The following TINAG variants were observed in gnomAD, a reference collection of about 807,000 sequenced individuals.
The protein encoded by TINAG is tubulointerstitial nephritis antigen.
TINAG carries 83 observed loss-of-function variants against 72.7 expected under a neutral mutation model. The ratio of observed to expected loss-of-function variants is 1.14; its 90% CI spans 0.96 to 1.37. The LOEUF (loss-of-function observed/expected upper bound fraction) is 1.37. TINAG is among the 40% of genes most tolerant of loss of function. The probability of loss-of-function intolerance (pLI) is 0.00; values close to 1 mark genes in which losing one functional copy is unlikely to be tolerated. For synonymous variants in TINAG, 234 were observed against 189.9 expected, an observed-to-expected ratio of 1.23 and a Z score of -1.91; for missense variants, 685 against 576.6, an observed-to-expected ratio of 1.19 and a Z score of -1.93.
intron 1 of TINAG, among the ~76,000 whole-genome samples, chr6:54,312,064 G>GT (rs1391655978): frequency 6.6e-6 from 1 of 150,884 alleles, no homozygotes; most frequent in East Asian, 1.9e-4. Flanking sequence ...TTTGTTTTTT[G>GT]TTTTTTGTTT....
intron 3 of TINAG, among the ~76,000 whole-genome samples, chr6:54,325,140 A>C (rs1329970464): frequency 6.6e-6 from 1 of 152,182 alleles, no homozygotes; most frequent in Non-Finnish European, 1.5e-5. Context: ...ATCCTTCCAG[A>C]TAGAGAACTA....
At chr6:54,353,766 G>T (rs1785323564) in intron 8 of TINAG, among the ~76,000 whole-genome samples, 1 of 151,720 alleles carries the variant, frequency 6.6e-6, no homozygotes, top group Non-Finnish European at 1.5e-5. Context: ...GTCAAATTAA[G>T]ACAAGTATTG....
chr6:54,334,098 C>T (rs1183065234), intron 4 of TINAG, among the ~76,000 whole-genome samples: 1 of 152,180 alleles, frequency 6.6e-6, no homozygotes, highest in Non-Finnish European at 1.5e-5. Flanking sequence ...CTTGTTATTA[C>T]AAACCTGTTA....
chr6:54,327,038 A>T, intron 4 of TINAG, 122 bp downstream of exon 4: 2 of 1,543,262 alleles, frequency 1.3e-6, no homozygotes, highest in Non-Finnish European at 1.7e-6. Context: ...TAATTTTGTC[A>T]CATAAATAAA....
rs1784161614 is a variant in TINAG at position 54,308,530 on chromosome 6, G to A, written c.-21G>A. 3.1e-6 allele frequency: 5 copies of A among 1,588,332 alleles called. No homozygotes were observed. Among genetic ancestry groups the A allele is most frequent in the Non-Finnish European group, 3.4e-6 (4 of 1,167,102 alleles). On this transcript the variant is annotated 5_prime_UTR_variant, in exon 1 of 11. Transcript: ENST00000259782. The stretch of plus-strand genomic sequence containing the variant: ...GTATTGGATATAACGGAAAGTGGAA[G>A]CTATACCTGACTTCCAGAGAATGTG...
At chr6:54,382,815 T>C (rs1763990017) in intron 10 of TINAG, among the ~76,000 whole-genome samples, 1 of 152,118 alleles carries the variant, frequency 6.6e-6, no homozygotes, top group African/African-American at 2.4e-5. Context: ...ATTTTCTCCA[T>C]TTGTTTACAG....
At chr6:54,317,621 T>C (rs1784402988) in intron 1 of TINAG, among the ~76,000 whole-genome samples, 1 of 152,190 alleles carries the variant, frequency 6.6e-6, no homozygotes, top group Admixed American at 6.5e-5. Flanking sequence ...GTCTTGGGTA[T>C]GTCTTTATTA....
chr6:54,321,481 A>C, intron 3 of TINAG, 95 bp downstream of exon 3: 1 of 839,976 alleles, frequency 1.2e-6, no homozygotes, highest in East Asian at 2.6e-5. Context: ...TCATTGTTTA[A>C]AAAGAAAGAG....
At chr6:54,375,818 G>A (rs990598074) in intron 9 of TINAG, among the ~76,000 whole-genome samples, 36 of 152,008 alleles carry the variant, frequency 2.4e-4, no homozygotes, top group African/African-American at 8.5e-4. Flanking sequence ...GCTTCTAGCC[G>A]GCTCTCACTG....
chr6:54,352,890 T>C (rs1202056229), intron 8 of TINAG, among the ~76,000 whole-genome samples: 1 of 151,804 alleles, frequency 6.6e-6, no homozygotes, highest in Non-Finnish European at 1.5e-5. Flanking sequence ...AGACATAACA[T>C]TTCAAAGCAA....
rs137867097 is a variant in TINAG, at chr6:54,374,334, G to A, written c.1251-6192G>A. Among the ~76,000 whole-genome samples, 455 of 152,060 alleles carry A rather than the reference G, an allele frequency of 3.0e-3. 4 individuals are homozygous for A. Among genetic ancestry groups the A allele is most frequent in the African/African-American group, 0.011 (440 of 41,502 alleles). On this transcript the variant is annotated intron_variant, in intron 9 of 10. Transcript: ENST00000259782. ...TTGTAGCTTCCTGGCAGAACATATCGATAAAAGTACCTGATCTTAGATATA... is the reference window on the plus strand; with the variant it reads ...TTGTAGCTTCCTGGCAGAACATATCAATAAAAGTACCTGATCTTAGATATA...
intron 9 of TINAG, among the ~76,000 whole-genome samples, chr6:54,379,683 G>A (rs1163827483): frequency 6.6e-6 from 1 of 152,086 alleles, no homozygotes; most frequent in East Asian, 1.9e-4. Context: ...GTTTCAAGGG[G>A]CTAGACATAA....
intron 4 of TINAG, chr6:54,327,258 A>G (rs547886102): frequency 7.2e-7 from 1 of 1,387,184 alleles, no homozygotes; most frequent in Admixed American, 2.3e-5. Context: ...TACACGGTTC[A>G]TCTCATTGGG....
intron 9 of TINAG, among the ~76,000 whole-genome samples, chr6:54,371,198 G>A (rs181864604): frequency 6.6e-6 from 1 of 152,002 alleles, no homozygotes; most frequent in African/African-American, 2.4e-5. Flanking sequence ...TCTTGATTGT[G>A]AAGGAATGCT....
In TINAG at chr6:54,348,405, T is replaced by G. The variant is rs546865753; in HGVS notation, c.899+888T>G. ...TTAAGAACTTAAAAATGTAAATTAT[T>G]ATTGAGACCTGACTAAATCTCATTG... On this transcript the variant is annotated intron_variant, in intron 6 of 10. Transcript: ENST00000259782. 3.3e-5 allele frequency among the ~76,000 whole-genome samples: 5 copies of G among 152,208 alleles called. No homozygotes were observed. The East Asian group carries it at 9.7e-4, about 29-fold the overall frequency.
At chr6:54,323,250 T>TA (rs1784531948) in intron 3 of TINAG, among the ~76,000 whole-genome samples, 1 of 151,856 alleles carries the variant, frequency 6.6e-6, no homozygotes, top group Non-Finnish European at 1.5e-5. Context: ...AGGAAACATA[T>TA]AAAAACCAAA....
At chr6:54,372,561 C>T (rs1270542037) in intron 9 of TINAG, among the ~76,000 whole-genome samples, 1 of 151,942 alleles carries the variant, frequency 6.6e-6, no homozygotes, top group Admixed American at 6.6e-5. Flanking sequence ...TATAAGGTGG[C>T]TTCTGACTTC....
intron 3 of TINAG, among the ~76,000 whole-genome samples, chr6:54,322,287 A>G (rs1784508632): frequency 6.6e-6 from 1 of 152,008 alleles, no homozygotes; most frequent in South Asian, 2.1e-4. Flanking sequence ...CAGCATGGGA[A>G]TCGGGGGGTG....
chr6:54,372,252 A>C (rs529650522), intron 9 of TINAG, among the ~76,000 whole-genome samples: 86 of 152,052 alleles, frequency 5.7e-4, no homozygotes, highest in African/African-American at 2.0e-3. Context: ...TTGGCCTCCC[A>C]AAGTGCTGGG....
Sources: gnomAD v4.1 joint callset for allele counts (sites outside exome capture counted in the v4.1 genomes callset) on GRCh38, gnomAD v4.1.1 for gene constraint, MANE v1.5 for transcripts, NCBI Gene and HGNC (gene_info 2026-07-23, HGNC 2026-07-21) for gene names.